Variants in CDK14 observed in about 807,000 individuals in gnomAD.
The protein encoded by CDK14 is cyclin dependent kinase 14.
A neutral mutation model predicts 60.7 loss-of-function variants in CDK14; 34 were observed. The observed-to-expected ratio is 0.56, with a 90% CI of 0.43 to 0.75. The LOEUF (loss-of-function observed/expected upper bound fraction) is 0.75, where lower values mean the gene tolerates loss of function less well. Among genes scored for constraint, CDK14 ranks in the 30% least tolerant of loss-of-function variants. The pLI is 0.00. For synonymous variants in CDK14, 197 were observed against 203.7 expected (o/e 0.97, Z 0.28); for missense variants, 482 against 564.1 (o/e 0.85, Z 1.47).
chr7:91,092,208 A>G (rs1438245148), intron 12 of CDK14, among the ~76,000 whole-genome samples: 1 of 152,190 alleles, frequency 6.6e-6, no homozygotes, highest in Non-Finnish European at 1.5e-5. Flanking sequence ...AGTTAAAGTC[A>G]GGAATAAAGG....
At chr7:91,186,702 C>T (rs529938335) in intron 14 of CDK14, among the ~76,000 whole-genome samples, 9 of 152,282 alleles carry the variant, frequency 5.9e-5, no homozygotes, top group Non-Finnish European at 8.8e-5. Flanking sequence ...TCTCTTTCAG[C>T]GATCACATGG....
intron 14 of CDK14, among the ~76,000 whole-genome samples, chr7:91,168,191 G>A (rs1309737408): frequency 1.3e-5 from 2 of 151,808 alleles, no homozygotes; most frequent in Non-Finnish European, 2.9e-5. Flanking sequence ...GAACCCGGGA[G>A]GCGGAGGTCG....
intron 5 of CDK14, among the ~76,000 whole-genome samples, chr7:90,837,931 G>A (rs1304656690): frequency 6.6e-6 from 1 of 152,138 alleles, no homozygotes; most frequent in Non-Finnish European, 1.5e-5. Context: ...CAGGATTGTG[G>A]TGAGGAGGGG....
intron 6 of CDK14, among the ~76,000 whole-genome samples, chr7:90,893,555 A>G (rs1475000433): frequency 6.6e-6 from 1 of 152,232 alleles, no homozygotes; most frequent in African/African-American, 2.4e-5. Flanking sequence ...TCTTAAGTGT[A>G]GTTCTGTATT....
chr7:90,747,896 T>A, intron 4 of CDK14, 121 bp downstream of exon 4: 3 of 312,582 alleles, frequency 9.6e-6, no homozygotes, highest in Non-Finnish European at 1.1e-5. Context: ...CCTCACGGTA[T>A]CCTTTTTTTT....
chr7:90,852,806 C>T (rs891708844), intron 5 of CDK14, among the ~76,000 whole-genome samples: 1 of 152,156 alleles, frequency 6.6e-6, no homozygotes, highest in African/African-American at 2.4e-5. Context: ...AAGGCCACTG[C>T]TGAGTAGAGT....
chr7:91,182,142 T>C (rs1351022339), intron 14 of CDK14, among the ~76,000 whole-genome samples: 4 of 152,134 alleles, frequency 2.6e-5, no homozygotes, highest in Non-Finnish European at 5.9e-5. Flanking sequence ...TCATCTGCTT[T>C]ATCCCACACT....
At chr7:90,642,617 TG>T (rs1800365452) in intron 2 of CDK14, among the ~76,000 whole-genome samples, 1 of 152,196 alleles carries the variant, frequency 6.6e-6, no homozygotes, top group Non-Finnish European at 1.5e-5. Flanking sequence ...TGGCCTCAAG[TG>T]ATCTGCCTGC....
chr7:90,714,139 A>ATAAAAGG (rs1459410357), intron 2 of CDK14, among the ~76,000 whole-genome samples: 1 of 152,022 alleles, frequency 6.6e-6, no homozygotes, highest in East Asian at 1.9e-4. Flanking sequence ...GTCTGAGTGG[A>ATAAAAGG]TAAAAGGAGG....
In CDK14 at chr7:90,768,736, T is replaced by G. The variant is rs117039049; in HGVS notation, c.464+20961T>G. 2.3e-3 allele frequency among the ~76,000 whole-genome samples: 347 copies of G among 152,334 alleles called. 10 individuals are homozygous for G. The East Asian group carries it at 0.053, about 23-fold the overall frequency. On this transcript the variant is annotated intron_variant, in intron 4 of 14. Transcript: ENST00000380050. ...TGTTCTCTCACTTAGATTCAAAATC[T>G]GTGAGTTCAGCTGACTAATTAGTGG...
At chr7:90,795,942 C>T (rs1788409953) in intron 5 of CDK14, among the ~76,000 whole-genome samples, 1 of 152,134 alleles carries the variant, frequency 6.6e-6, no homozygotes, top group Admixed American at 6.6e-5. Context: ...CAAGTAGGAT[C>T]ACATTGAAGT....
At position 90,926,678 on chromosome 7, in the gene CDK14, A is replaced by T. The variant is rs146264858; in HGVS notation, c.826+8954A>T. On this transcript the variant is annotated intron_variant, in intron 8 of 14. Coordinates refer to ENST00000380050, the MANE Select transcript of CDK14 (RefSeq NM_001287135.2). ...ATTTCCCCACACCAATAACCAATTC[A>T]CCAACACCTCAGACAGACACCAACT... Among the ~76,000 whole-genome samples the T allele has an allele frequency of 5.1e-4, 77 of 152,284 alleles. No homozygotes were observed. The Middle Eastern group carries it at 0.014, about 27-fold the overall frequency.
intron 2 of CDK14, among the ~76,000 whole-genome samples, chr7:90,630,101 C>G (rs1343310246): frequency 6.6e-6 from 1 of 151,500 alleles, no homozygotes; most frequent in Non-Finnish European, 1.5e-5. Context: ...ACACACAAAA[C>G]CACAAAAAAC....
chr7:91,032,590 C>T (rs1310531701), intron 10 of CDK14, among the ~76,000 whole-genome samples: 5 of 152,086 alleles, frequency 3.3e-5, no homozygotes, highest in South Asian at 2.1e-4. Context: ...AAGAGGGAGG[C>T]AGAAATTGGA....
chr7:91,095,737 T>C (rs1798964355), intron 12 of CDK14, among the ~76,000 whole-genome samples: 1 of 152,040 alleles, frequency 6.6e-6, no homozygotes, highest in Non-Finnish European at 1.5e-5. Context: ...ATAAAAAATA[T>C]ATATACTAAC....
chr7:91,018,103 A>G (rs1056639195), intron 10 of CDK14, among the ~76,000 whole-genome samples: 2 of 152,240 alleles, frequency 1.3e-5, no homozygotes, highest in East Asian at 1.9e-4. Context: ...TGAAATCTTC[A>G]GTACAAAGGA....
chr7:90,867,233 G>A lies in CDK14; in HGVS notation c.639+3964G>A, dbSNP rs141578124. Among the ~76,000 whole-genome samples the A allele has an allele frequency of 7.2e-3, 1,098 of 152,178 alleles. 4 individuals are homozygous for A. Among genetic ancestry groups the A allele is most frequent in the Non-Finnish European group, 0.011 (774 of 68,016 alleles). ...TATAGCTGTCTTTTTTCCCTATACA[G>A]GTTTAAGACTTGGAAGAGAAAGGTA... is the stretch of plus-strand genomic sequence containing the variant. On this transcript the variant is annotated intron_variant, in intron 6 of 14. Transcript: ENST00000380050.
intron 5 of CDK14, among the ~76,000 whole-genome samples, chr7:90,818,261 A>G (rs1318598571): frequency 6.6e-6 from 1 of 152,186 alleles, no homozygotes; most frequent in Non-Finnish European, 1.5e-5. Flanking sequence ...AAATGGATTA[A>G]CCAGATATTA....
At position 90,719,864 on chromosome 7, in the gene CDK14, A is replaced by G. The variant is rs539263959; in HGVS notation, c.124-6703A>G. ...AAAAAGTACAGTCATGGAGAAGACTATTCTTAGTTCTCATTGATATTAGAA... is the reference window on the plus strand; with the variant it reads ...AAAAAGTACAGTCATGGAGAAGACTGTTCTTAGTTCTCATTGATATTAGAA... On this transcript the variant is annotated intron_variant, in intron 2 of 14. Coordinates refer to ENST00000380050, the MANE Select transcript of CDK14 (RefSeq NM_001287135.2). Among the ~76,000 whole-genome samples, 11 of 152,312 alleles carry G rather than the reference A, an allele frequency of 7.2e-5. No homozygotes were observed. The South Asian group carries it at 2.1e-3, about 29-fold the overall frequency.
Sources: gnomAD v4.1 joint callset for allele counts (sites outside exome capture counted in the v4.1 genomes callset) on GRCh38, gnomAD v4.1.1 for gene constraint, MANE v1.5 for transcripts, NCBI Gene and HGNC (gene_info 2026-07-23, HGNC 2026-07-21) for gene names.